The following CDH12 variants were observed in gnomAD, a reference collection of about 807,000 sequenced individuals.
CDH12 encodes the protein cadherin 12.
In CDH12, 41 loss-of-function variants were observed where a neutral mutation model predicts 74.1. That is an observed-to-expected ratio of 0.55 (90% CI 0.43 to 0.72). The LOEUF is 0.72. Ranked by LOEUF, CDH12 falls within the 30% of genes least tolerant of loss-of-function variation. CDH12 has a pLI of 0.00. For missense variants in CDH12, 945 were observed against 977.2 expected (o/e 0.97, Z 0.44); for synonymous variants, 399 against 355.0 (o/e 1.12, Z -1.39).
intron 1 of CDH12, among the ~76,000 whole-genome samples, chr5:22,557,296 A>T (rs1246737994): frequency 2.0e-5 from 3 of 152,122 alleles, no homozygotes; most frequent in Non-Finnish European, 4.4e-5. Flanking sequence ...TTACAAACAA[A>T]TTGAAAGAAA....
At chr5:21,997,839 A>G (rs867574970) in intron 5 of CDH12, among the ~76,000 whole-genome samples, 2 of 152,106 alleles carry the variant, frequency 1.3e-5, no homozygotes, top group Non-Finnish European at 2.9e-5. Context: ...AAAGTAATTC[A>G]CCTGATTATT....
At chr5:21,956,146 G>A (rs1402120689) in intron 6 of CDH12, among the ~76,000 whole-genome samples, 4 of 151,880 alleles carry the variant, frequency 2.6e-5, no homozygotes, top group African/African-American at 9.7e-5. Context: ...AAATACAAAT[G>A]TGATTACTTA....
intron 4 of CDH12, among the ~76,000 whole-genome samples, chr5:22,176,175 CATCCTTATA>C (rs1561191344): frequency 6.6e-6 from 1 of 151,814 alleles, no homozygotes; most frequent in African/African-American, 2.4e-5. Context: ...ATGTCCATAT[CATCCTTATA>C]ATCCAGGACA....
At chr5:21,795,154 C>G (rs1027709021) in intron 10 of CDH12, among the ~76,000 whole-genome samples, 1 of 151,470 alleles carries the variant, frequency 6.6e-6, no homozygotes, top group African/African-American at 2.4e-5. Context: ...CATCTGACAA[C>G]AAGTTCATGA....
chr5:21,831,053 AAAAC>A (rs747082314), intron 8 of CDH12, among the ~76,000 whole-genome samples: 137 of 124,274 alleles, frequency 1.1e-3, no homozygotes, highest in Non-Finnish European at 1.7e-3. Flanking sequence ...AAAGAAAACA[AAAAC>A]AAAAACAAAC....
chr5:22,577,905 T>C (rs560199696), intron 1 of CDH12, among the ~76,000 whole-genome samples: 1 of 152,210 alleles, frequency 6.6e-6, no homozygotes, highest in Non-Finnish European at 1.5e-5. Flanking sequence ...ACATAAATTA[T>C]AGCTAGAAAA....
intron 5 of CDH12, among the ~76,000 whole-genome samples, chr5:22,074,878 C>T (rs1266514276): frequency 2.0e-5 from 3 of 151,994 alleles, no homozygotes; most frequent in Non-Finnish European, 4.4e-5. Flanking sequence ...TAAACTAGTT[C>T]AACCATTGTG....
chr5:22,011,062 G>C (rs1178089083), intron 5 of CDH12, among the ~76,000 whole-genome samples: 1 of 152,084 alleles, frequency 6.6e-6, no homozygotes, highest in East Asian at 1.9e-4. Context: ...CACAATAAAG[G>C]CTCTCTGAAC....
intron 1 of CDH12, among the ~76,000 whole-genome samples, chr5:22,729,305 T>C (rs924045292): frequency 6.6e-6 from 1 of 151,754 alleles, no homozygotes; most frequent in Admixed American, 6.6e-5. Flanking sequence ...GTTCGATGGC[T>C]CCCTGTAACT....
chr5:22,233,514 C>T (rs1302806063), intron 3 of CDH12, among the ~76,000 whole-genome samples: 1 of 152,074 alleles, frequency 6.6e-6, no homozygotes, highest in Non-Finnish European at 1.5e-5. Context: ...TCACAGTTTA[C>T]TAATAAAAAT....
chr5:22,300,282 ATTTAT>A (rs1377301400), intron 3 of CDH12, among the ~76,000 whole-genome samples: 1 of 152,180 alleles, frequency 6.6e-6, no homozygotes, highest in Non-Finnish European at 1.5e-5. Flanking sequence ...TGACAACAAC[ATTTAT>A]TAGGAATCCA....
Position 21,817,005 on chromosome 5 carries a change from T to A in CDH12, c.942A>T (p.Gly314=). The change falls in exon 9 of 15, where the codon GGA becomes GGT. Residue 314 remains glycine (G), a synonymous_variant. Transcript: ENST00000382254. The part of the protein sequence containing the change: ...IEYNIVPGDG[G]NLFDIVTDED... ...CATCTGTGACGATGTCAAACAAATTTCCCCCATCTCCTGGAACAATATTGT... is the reference window on the plus strand; with the variant it reads ...CATCTGTGACGATGTCAAACAAATTACCCCCATCTCCTGGAACAATATTGT... 1 of 1,612,830 alleles carries A rather than the reference T, an allele frequency of 6.2e-7. No individual in the cohort carries two copies. The highest frequency in any genetic ancestry group is 8.5e-7 in the Non-Finnish European group (1 of 1,179,196).
chr5:21,794,137 T>C lies in CDH12; in HGVS notation c.1256+8030A>G, dbSNP rs570466893. ...GTAGATCTATATCTAGATGTGTAAATATAATGTCTTTTTTTCTTAAGGGCT... is the reference window on the plus strand; with the variant it reads ...GTAGATCTATATCTAGATGTGTAAACATAATGTCTTTTTTTCTTAAGGGCT... On this transcript the variant is annotated intron_variant, in intron 10 of 14. Transcript: ENST00000382254. Among the ~76,000 whole-genome samples the C allele has an allele frequency of 1.1e-3, 167 of 151,714 alleles. 1 individual carries two copies. Among genetic ancestry groups the C allele is most frequent in the African/African-American group, 3.7e-3 (152 of 41,510 alleles).
At chr5:22,065,427 C>T (rs538669063) in intron 5 of CDH12, among the ~76,000 whole-genome samples, 138 of 152,072 alleles carry the variant, frequency 9.1e-4, no homozygotes, top group Middle Eastern at 3.4e-3. Context: ...TATTGCAGCA[C>T]GGGGAGTGAG....
intron 1 of CDH12, among the ~76,000 whole-genome samples, chr5:22,570,035 TTTTATTTATTTATTTA>T (rs59201709): frequency 6.7e-6 from 1 of 149,880 alleles, no homozygotes; most frequent in Non-Finnish European, 1.5e-5. Context: ...ATGTATTTCG[TTTTATTTATTTATTTA>T]TTTATTTATT....
intron 1 of CDH12, among the ~76,000 whole-genome samples, chr5:22,824,275 C>A (rs565042117): frequency 6.6e-6 from 1 of 152,070 alleles, no homozygotes; most frequent in African/African-American, 2.4e-5. Flanking sequence ...AACTGTCAAA[C>A]CCTCCCAAAT....
chr5:22,097,185 C>A (rs1427976047), intron 4 of CDH12, among the ~76,000 whole-genome samples: 1 of 152,160 alleles, frequency 6.6e-6, no homozygotes, highest in Non-Finnish European at 1.5e-5. Context: ...AAGCTGTGTC[C>A]CATCTGTGTA....
intron 4 of CDH12, among the ~76,000 whole-genome samples, chr5:22,098,234 CA>C (rs781369384): frequency 7.2e-5 from 11 of 152,296 alleles, no homozygotes; most frequent in Non-Finnish European, 1.0e-4. Flanking sequence ...TTACTTCAGT[CA>C]AGCCCAAATT....
chr5:21,916,183 T>C (rs943030739), intron 6 of CDH12, among the ~76,000 whole-genome samples: 2 of 152,140 alleles, frequency 1.3e-5, no homozygotes, highest in Non-Finnish European at 2.9e-5. Context: ...ATTACAGCTA[T>C]GTAAGTATTC....
Sources: allele counts gnomAD v4.1 joint callset (sites outside exome capture counted in the v4.1 genomes callset), GRCh38; gene constraint gnomAD v4.1.1; transcripts MANE v1.5; gene names NCBI Gene and HGNC (gene_info 2026-07-23, HGNC 2026-07-21).